Variants in RAB3IP observed in about 807,000 individuals in gnomAD.
RAB3IP encodes the protein rab-3A-interacting protein.
In RAB3IP, 36 loss-of-function variants were observed where a neutral mutation model predicts 59.1. That is an observed-to-expected ratio of 0.61 (90% CI 0.47 to 0.80). RAB3IP has a LOEUF of 0.80. Ranked by LOEUF, RAB3IP falls within the 30% of genes least tolerant of loss-of-function variation. The pLI is 0.00. For missense variants in RAB3IP, 511 were observed against 536.0 expected (o/e 0.95, Z 0.46); for synonymous variants, 207 against 191.2 (o/e 1.08, Z -0.68).
At chr12:69,785,919 A>G (rs1027790126) in intron 4 of RAB3IP, among the ~76,000 whole-genome samples, 60 of 152,186 alleles carry the variant, frequency 3.9e-4, no homozygotes, top group Non-Finnish European at 5.0e-4. Context: ...CTGTTGCTGT[A>G]AAGTGTCTCC....
chr12:69,783,656 G>A (rs940115275), intron 3 of RAB3IP, among the ~76,000 whole-genome samples: 15 of 152,166 alleles, frequency 9.9e-5, no homozygotes, highest in Admixed American at 5.2e-4. Flanking sequence ...CTTTCTCTCC[G>A]TTTATTCTTA....
intron 3 of RAB3IP, among the ~76,000 whole-genome samples, chr12:69,779,955 G>T (rs1217994457): frequency 6.6e-6 from 1 of 152,138 alleles, no homozygotes; most frequent in Non-Finnish European, 1.5e-5. Flanking sequence ...TCAAGTCTTT[G>T]CAGTGTGACT....
chr12:69,820,963 T>C lies in RAB3IP; in HGVS notation c.*5517T>C, dbSNP rs1881678103. On this transcript the variant is annotated 3_prime_UTR_variant, in exon 11 of 11. Coordinates refer to ENST00000247833, the MANE Select transcript of RAB3IP (RefSeq NM_022456.5). ...AAGCTTTAAAAAACTCCATGAAAAT[T>C]TGCAAAACTTAAAAAAAAAATGTAG... is the stretch of plus-strand genomic sequence containing the variant. 6.6e-6 allele frequency: 1 copy of C among 151,250 alleles called. No individual in the cohort carries two copies. Among genetic ancestry groups the C allele is most frequent in the African/African-American group, 2.4e-5 (1 of 41,136 alleles). 9.4% of individuals were successfully genotyped at this position (151,250 alleles called of 1,614,324 possible).
chr12:69,755,145 G>A (rs1322678748), intron 1 of RAB3IP, among the ~76,000 whole-genome samples: 1 of 152,050 alleles, frequency 6.6e-6, no homozygotes, highest in Non-Finnish European at 1.5e-5. Flanking sequence ...GCAGGGTTGT[G>A]ATCACGGCTC....
chr12:69,807,403 G>A lies in RAB3IP; in HGVS notation c.1131-5375G>A, dbSNP rs1462019746. Reference sequence around the variant, plus strand: ...CCTGACGGGGCGGCCGGGAAGAGGCGCCCCTCACCTCCCAGACGGGGCGGC... The same window carrying A: ...CCTGACGGGGCGGCCGGGAAGAGGCACCCCTCACCTCCCAGACGGGGCGGC... On this transcript the variant is annotated intron_variant, in intron 8 of 10. Coordinates refer to ENST00000247833, the MANE Select transcript of RAB3IP (RefSeq NM_022456.5). Among the ~76,000 whole-genome samples the A allele has an allele frequency of 6.1e-4, 87 of 142,864 alleles. 1 individual carries two copies. Among genetic ancestry groups the A allele is most frequent in the African/African-American group, 1.3e-3 (49 of 37,764 alleles). The allele number at this position is 142,864 out of a possible 152,430, so 93.7% of individuals were successfully genotyped here. A position where few individuals can be genotyped will look rare whatever the true frequency, so the allele number is the denominator to read the frequency against.
intron 8 of RAB3IP, among the ~76,000 whole-genome samples, chr12:69,809,665 G>T (rs1807685428): frequency 6.6e-6 from 1 of 152,014 alleles, no homozygotes; most frequent in South Asian, 2.1e-4. Flanking sequence ...TTCCATCACT[G>T]ATACCCTTTC....
chr12:69,741,433 A>C (rs949813843), intron 1 of RAB3IP, among the ~76,000 whole-genome samples: 1 of 152,214 alleles, frequency 6.6e-6, no homozygotes, highest in Non-Finnish European at 1.5e-5. Flanking sequence ...TGCACCTTCT[A>C]TTAAAGAGCT....
intron 8 of RAB3IP, among the ~76,000 whole-genome samples, chr12:69,804,415 G>T (rs558099704): frequency 6.6e-6 from 1 of 152,044 alleles, no homozygotes; most frequent in East Asian, 1.9e-4. Context: ...AGATGAGTAG[G>T]TTGCAAAAAT....
At chr12:69,806,570 G>GTTTTTTT (rs35262716) in intron 8 of RAB3IP, among the ~76,000 whole-genome samples, 19 of 68,458 alleles carry the variant, frequency 2.8e-4, no homozygotes, top group East Asian at 8.2e-4. Context: ...TGCTTCTCTA[G>GTTTTTTT]TTTTTTTTTT....
intron 1 of RAB3IP, among the ~76,000 whole-genome samples, chr12:69,749,408 G>A (rs1427091922): frequency 1.3e-5 from 2 of 152,150 alleles, no homozygotes; most frequent in African/African-American, 2.4e-5. Flanking sequence ...GGTCCCTGGG[G>A]CCAAAAAGGT....
rs541355974 is a variant in RAB3IP, at chr12:69,788,517, A to C, written c.606+3702A>C. Among the ~76,000 whole-genome samples the C allele has an allele frequency of 2.6e-5, 4 of 152,272 alleles. No homozygotes were observed. The South Asian group carries it at 8.3e-4, about 32-fold the overall frequency. On this transcript the variant is annotated intron_variant, in intron 4 of 10. Transcript: ENST00000247833. ...TGTTCACTGAAATGTTATGTGGTGC[A>C]TGACTGTATATATGCATCCAACATC...
At chr12:69,809,977 A>C (rs1413341850) in intron 8 of RAB3IP, among the ~76,000 whole-genome samples, 2 of 152,104 alleles carry the variant, frequency 1.3e-5, no homozygotes, top group Admixed American at 6.5e-5. Context: ...AGGCGCTCTG[A>C]TTTTTAGAGT....
chr12:69,806,752 G>A (rs540229616), intron 8 of RAB3IP, among the ~76,000 whole-genome samples: 3 of 151,912 alleles, frequency 2.0e-5, no homozygotes, highest in Non-Finnish European at 2.9e-5. Flanking sequence ...GTGTCCCTGG[G>A]TACTTGAGAT....
chr12:69,795,553 T>G lies in RAB3IP; in HGVS notation c.888+209T>G. The stretch of plus-strand genomic sequence containing the variant: ...TGACCTTGGAGTACCTGCTGGAAAC[T>G]TGGTAAGTTTCTTAATCTCAGTATT... On this transcript the variant is annotated intron_variant, in intron 6 of 10. Transcript: ENST00000247833. The G allele has an allele frequency of 2.2e-5, 13 of 593,888 alleles. No individual in the cohort carries two copies. The South Asian group carries it at 2.8e-4, about 13-fold the overall frequency. The allele number at this position is 593,888 out of a possible 1,614,324, so 36.8% of individuals were successfully genotyped here.
intron 6 of RAB3IP, among the ~76,000 whole-genome samples, chr12:69,796,955 C>A (rs1329984348): frequency 1.3e-5 from 2 of 152,120 alleles, no homozygotes; most frequent in African/African-American, 4.8e-5. Flanking sequence ...CATATAACTT[C>A]AAAATAATAA....
intron 8 of RAB3IP, among the ~76,000 whole-genome samples, chr12:69,806,038 T>G (rs1879209160): frequency 6.6e-6 from 1 of 152,232 alleles, no homozygotes; most frequent in Non-Finnish European, 1.5e-5. Context: ...GATTCCCTCT[T>G]TTTCTATTTA....
rs568896978 is a variant in RAB3IP at position 69,806,393 on chromosome 12, C to T, written c.1130+4672C>T. On this transcript the variant is annotated intron_variant, in intron 8 of 10. Coordinates refer to ENST00000247833, the MANE Select transcript of RAB3IP (RefSeq NM_022456.5). ...CTATTTGATTCTTCTCTCTTTTCTT[C>T]TTTATTAGTCTTGCTAGCGGTCTAT... 7.2e-5 allele frequency among the ~76,000 whole-genome samples: 11 copies of T among 152,036 alleles called. No homozygotes were observed. In the East Asian group the frequency reaches 1.9e-3, roughly 27 times the overall value.
At chr12:69,808,183 C>A (rs1879784872) in intron 8 of RAB3IP, among the ~76,000 whole-genome samples, 1 of 152,204 alleles carries the variant, frequency 6.6e-6, no homozygotes. Context: ...AGTTCAGTTT[C>A]CATGTAGTTG....
chr12:69,811,447 C>G (rs1467380120), intron 8 of RAB3IP, among the ~76,000 whole-genome samples: 1 of 152,158 alleles, frequency 6.6e-6, no homozygotes, highest in Non-Finnish European at 1.5e-5. Flanking sequence ...TTAAAGCCAC[C>G]TTACCAGATC....
Sources: allele counts gnomAD v4.1 joint callset (sites outside exome capture counted in the v4.1 genomes callset), GRCh38; gene constraint gnomAD v4.1.1; transcripts MANE v1.5; gene names NCBI Gene and HGNC (gene_info 2026-07-23, HGNC 2026-07-21).